Variants in DGLUCY observed in about 807,000 individuals in gnomAD.
DGLUCY encodes D-glutamate cyclase, also known as D-glutamate cyclase, mitochondrial.
A neutral mutation model predicts 58.5 loss-of-function variants in DGLUCY; 58 were observed. The observed-to-expected ratio is 0.99, with a 90% CI of 0.80 to 1.23. The LOEUF (loss-of-function observed/expected upper bound fraction) is 1.23. Ranked by LOEUF, DGLUCY falls within the 50% of genes most tolerant of loss-of-function variation. DGLUCY has a pLI of 0.00. For missense variants in DGLUCY, 779 were observed against 784.7 expected, an observed-to-expected ratio of 0.99 and a Z score of 0.09; for synonymous variants, 325 against 314.1, an observed-to-expected ratio of 1.03 and a Z score of -0.37.
chr14:91,106,811 C>T (rs980606882), upstream of DGLUCY, among the ~76,000 whole-genome samples: 1 of 152,032 alleles, frequency 6.6e-6, no homozygotes, highest in African/African-American at 2.4e-5. Context: ...GATTTTTGTC[C>T]AGGCTGTAAT....
intron 8 of DGLUCY, among the ~76,000 whole-genome samples, chr14:91,184,636 GGAGGGAGGGA>G (rs2049387797): frequency 9.0e-6 from 1 of 111,312 alleles, no homozygotes; most frequent in African/African-American, 4.6e-5. Flanking sequence ...AGGAAGGAAG[GGAGGGAGGGA>G]GGGAGGGAGG....
intron 1 of DGLUCY, among the ~76,000 whole-genome samples, chr14:91,102,027 A>C (rs1355972603): frequency 6.9e-6 from 1 of 145,962 alleles, no homozygotes; most frequent in African/African-American, 2.5e-5. Flanking sequence ...GAAGAGAATA[A>C]TTCAAATGTT....
At chr14:91,133,637 T>C (rs1463599360) in intron 1 of DGLUCY, among the ~76,000 whole-genome samples, 2 of 152,052 alleles carry the variant, frequency 1.3e-5, no homozygotes, top group Non-Finnish European at 2.9e-5. Context: ...AATTCTCCCG[T>C]CTCAATCTCC....
At chr14:91,173,462 C>T in intron 6 of DGLUCY, 23 bp downstream of exon 6, 1 of 1,572,566 alleles carries the variant, frequency 6.4e-7, no homozygotes, top group Non-Finnish European at 8.6e-7. Context: ...CGCTCCTGCC[C>T]ATGATCTTCC....
rs539088018 is a variant in DGLUCY, at chr14:91,215,132, G to A, written c.1565-273G>A. Among the ~76,000 whole-genome samples the A allele has an allele frequency of 2.6e-5, 4 of 152,288 alleles. No individual in the cohort carries two copies. The South Asian group carries it at 8.3e-4, about 32-fold the overall frequency. Reference sequence around the variant, plus strand: ...CCACTACACTCCAGCCTGGGCAACAGAGCAAGACTTTGTCTCAAAAAATAA... The same window carrying A: ...CCACTACACTCCAGCCTGGGCAACAAAGCAAGACTTTGTCTCAAAAAATAA... On this transcript the variant is annotated intron_variant, in intron 12 of 13. Transcript: ENST00000256324.
intron 1 of DGLUCY, among the ~76,000 whole-genome samples, chr14:91,155,551 T>A (rs2047569657): frequency 6.6e-6 from 1 of 152,200 alleles, no homozygotes; most frequent in South Asian, 2.1e-4. Context: ...GGCTCACTCC[T>A]ATAATCCTGG....
intron 4 of DGLUCY, among the ~76,000 whole-genome samples, chr14:91,168,520 C>A (rs915101488): frequency 6.6e-6 from 1 of 152,162 alleles, no homozygotes; most frequent in Non-Finnish European, 1.5e-5. Context: ...TTCCCCGGTG[C>A]CTCCTGTGCT....
At chr14:91,203,569 A>G (rs895131233) in intron 11 of DGLUCY, among the ~76,000 whole-genome samples, 2 of 152,146 alleles carry the variant, frequency 1.3e-5, no homozygotes, top group African/African-American at 4.8e-5. Context: ...CTGAACATCT[A>G]GTTTACAGAC....
chr14:91,160,112 A>G (rs539779509), intron 2 of DGLUCY, among the ~76,000 whole-genome samples, 154 bp from the exon 3 acceptor site: 1 of 152,320 alleles, frequency 6.6e-6, no homozygotes, highest in African/African-American at 2.4e-5. Flanking sequence ...ACGGGGGAGA[A>G]TGGATTCCAA....
chr14:91,147,063 C>G (rs1041905393), intron 1 of DGLUCY, among the ~76,000 whole-genome samples: 1 of 152,152 alleles, frequency 6.6e-6, no homozygotes, highest in Non-Finnish European at 1.5e-5. Flanking sequence ...GATGGTGCAT[C>G]CTCCTCCTGG....
chr14:91,109,870 C>T (rs531478117), upstream of DGLUCY, among the ~76,000 whole-genome samples: 18 of 152,314 alleles, frequency 1.2e-4, no homozygotes, highest in African/African-American at 2.6e-4. Flanking sequence ...TTGTCAGAGC[C>T]GACCATGTCT....
intron 10 of DGLUCY, among the ~76,000 whole-genome samples, chr14:91,197,957 G>T (rs2140563760): frequency 6.6e-6 from 1 of 152,230 alleles, no homozygotes; most frequent in Non-Finnish European, 1.5e-5. Flanking sequence ...ATTTTTTGAG[G>T]AATGGCCATA....
intron 1 of DGLUCY, among the ~76,000 whole-genome samples, chr14:91,108,434 C>T (rs997167349): frequency 2.1e-5 from 3 of 144,618 alleles, no homozygotes; most frequent in African/African-American, 5.1e-5. Flanking sequence ...AGAGGAGGGC[C>T]GTCTAAGTCT....
intron 7 of DGLUCY, among the ~76,000 whole-genome samples, chr14:91,176,998 T>C (rs2048896082): frequency 6.6e-6 from 1 of 150,508 alleles, no homozygotes; most frequent in Non-Finnish European, 1.5e-5. Context: ...TCTTTCTTTC[T>C]TTCTCTTTCT....
chr14:91,116,236 AAT>A (rs1186270979), intron 1 of DGLUCY, among the ~76,000 whole-genome samples: 1 of 152,222 alleles, frequency 6.6e-6, no homozygotes, highest in African/African-American at 2.4e-5. Context: ...GCCTTAAGGC[AAT>A]ATTTCATTTA....
At position 91,071,324 on chromosome 14, in the gene DGLUCY, G is replaced by A. The variant is rs549818312; in HGVS notation, c.-82+10620G>A. 7.9e-4 allele frequency among the ~76,000 whole-genome samples: 101 copies of A among 127,388 alleles called. 1 individual carries two copies. The Middle Eastern group carries it at 0.022, about 28-fold the overall frequency. The allele number at this position is 127,388 out of a possible 152,430, so 83.6% of individuals were successfully genotyped here. On this transcript the variant is annotated intron_variant, in intron 1 of 4. Coordinates refer to the DGLUCY transcript ENST00000521334. Reference sequence around the variant, plus strand: ...TGCACTCCATCCTGGGCAACAGAGCGAGATTCCACCAAAAAAAAAAAAAAA... The same window carrying A: ...TGCACTCCATCCTGGGCAACAGAGCAAGATTCCACCAAAAAAAAAAAAAAA...
At chr14:91,104,562 C>T (rs79879071), upstream of DGLUCY, among the ~76,000 whole-genome samples, 9 of 152,272 alleles carry the variant, frequency 5.9e-5, no homozygotes, top group East Asian at 1.7e-3. Flanking sequence ...CCAAGAGCGT[C>T]CTTGATGCCA....
At chr14:91,145,590 G>A (rs1364572570) in intron 1 of DGLUCY, among the ~76,000 whole-genome samples, 1 of 152,046 alleles carries the variant, frequency 6.6e-6, no homozygotes, top group Non-Finnish European at 1.5e-5. Flanking sequence ...TGACACCAAT[G>A]GTACCCACAG....
At chr14:91,188,210 G>A (rs1184108767) in intron 8 of DGLUCY, among the ~76,000 whole-genome samples, 1 of 152,154 alleles carries the variant, frequency 6.6e-6, no homozygotes, top group South Asian at 2.1e-4. Flanking sequence ...GTGACCCCCA[G>A]GAGGTTCTGG....
Sources: gnomAD v4.1 joint callset for allele counts (sites outside exome capture counted in the v4.1 genomes callset) on GRCh38, gnomAD v4.1.1 for gene constraint, MANE v1.5 for transcripts, NCBI Gene and HGNC (gene_info 2026-07-23, HGNC 2026-07-21) for gene names.